Variants in CACNA1A observed in about 807,000 individuals in gnomAD.
CACNA1A encodes calcium voltage-gated channel subunit alpha1 A.
Under a neutral mutation model 262.4 loss-of-function variants are expected in CACNA1A, and 57 were observed. That is an observed-to-expected ratio of 0.22 (90% CI 0.18 to 0.27). The LOEUF (loss-of-function observed/expected upper bound fraction) is 0.27. Among genes scored for constraint, CACNA1A ranks in the 10% least tolerant of loss-of-function variants. The pLI is 1.00. For missense variants in CACNA1A, 2,526 were observed against 3,562.8 expected, an observed-to-expected ratio of 0.71 and a Z score of 7.41; for synonymous variants, 1,431 against 1,419.3, an observed-to-expected ratio of 1.01 and a Z score of -0.18.
At position 13,224,731 on chromosome 19, in the gene CACNA1A, G is replaced by A. The variant is rs750667873; in HGVS notation, c.5667C>T (p.Thr1889=). ...RMDLPVADDN[T]VHFNSTLMAL... ...CCATGAGGGTGGAATTGAAGTGGAC[G>A]GTGTTGTCATCTGCGACGGGCAGGT... is the stretch of plus-strand genomic sequence containing the variant. The change falls in exon 38 of 47, where the codon ACC becomes ACT. Residue 1889 remains threonine (T), a synonymous_variant. Transcript: ENST00000360228. 12 of 1,612,196 alleles carry A rather than the reference G, an allele frequency of 7.4e-6. No individual in the cohort carries two copies. Among genetic ancestry groups the A allele is most frequent in the South Asian group, 5.5e-5 (5 of 90,676 alleles).
At position 13,215,719 on chromosome 19, in the gene CACNA1A, A is replaced by G. The variant is rs564798515; in HGVS notation, c.5732-1111T>C. Among the ~76,000 whole-genome samples, 4 of 149,562 alleles carry G rather than the reference A, an allele frequency of 2.7e-5. No homozygotes were observed. In the South Asian group the frequency reaches 8.5e-4, roughly 32 times the overall value. On this transcript the variant is annotated intron_variant, in intron 38 of 46. Transcript: ENST00000360228. The stretch of plus-strand genomic sequence containing the variant: ...GTTACCTCCGCCTCCCAGGTTCAAG[A>G]GATTCTCCCGCTTCAGCTTCCTGAG...
In CACNA1A at chr19:13,372,038, C is replaced by T. The variant is rs527374014; in HGVS notation, c.540-259G>A. Among the ~76,000 whole-genome samples the T allele has an allele frequency of 1.5e-4, 23 of 152,258 alleles. No homozygotes were observed. In the East Asian group the frequency reaches 4.3e-3, roughly 28 times the overall value. ...GTTGCAATGAGAGAAATGGAATCTT[C>T]CCCATGGCTCAAGGTTGGGGTGACA... On this transcript the variant is annotated intron_variant, in intron 3 of 46. Coordinates refer to ENST00000360228, the MANE Select transcript of CACNA1A (RefSeq NM_001127222.2).
intron 3 of CACNA1A, among the ~76,000 whole-genome samples, chr19:13,410,624 A>C (rs1599391009): frequency 6.9e-6 from 1 of 144,666 alleles, no homozygotes. Context: ...CTCTTCCTCT[A>C]CCCTTCACAG....
At chr19:13,423,022 G>A (rs569279501) in intron 3 of CACNA1A, among the ~76,000 whole-genome samples, 2 of 152,290 alleles carry the variant, frequency 1.3e-5, no homozygotes, top group South Asian at 4.1e-4. Context: ...AGCCCTTTTA[G>A]CAAACCTTCA....
At chr19:13,252,022 T>G (rs1463252349) in intron 30 of CACNA1A, among the ~76,000 whole-genome samples, 1 of 152,060 alleles carries the variant, frequency 6.6e-6, no homozygotes, top group African/African-American at 2.4e-5. Context: ...TGCCTCTGCC[T>G]CCCAAAGTGC....
chr19:13,210,545 C>G, intron 44 of CACNA1A, 72 bp downstream of exon 44: 1 of 1,375,994 alleles, frequency 7.3e-7, no homozygotes, highest in South Asian at 1.3e-5. Flanking sequence ...GATGACGGGA[C>G]TCCCTGGAGG....
At chr19:13,349,152 G>C (rs564968133) in intron 6 of CACNA1A, among the ~76,000 whole-genome samples, 4 of 152,152 alleles carry the variant, frequency 2.6e-5, no homozygotes, top group African/African-American at 9.7e-5. Context: ...ACCTTGGCAG[G>C]TCACGTCACC....
rs969056993 is a variant in CACNA1A, at chr19:13,465,972, A to T, written c.294-10760T>A. Among the ~76,000 whole-genome samples, 3 of 152,264 alleles carry T rather than the reference A, an allele frequency of 2.0e-5. No homozygotes were observed. In the South Asian group the frequency reaches 6.2e-4, roughly 32 times the overall value. Reference sequence around the variant, plus strand: ...AGGTAAATCCATAGAGACAGAATGCAGATGGGTGGTTGCCAGAGGCTGGAG... The same window carrying T: ...AGGTAAATCCATAGAGACAGAATGCTGATGGGTGGTTGCCAGAGGCTGGAG... On this transcript the variant is annotated intron_variant, in intron 1 of 46. Coordinates refer to ENST00000360228, the MANE Select transcript of CACNA1A (RefSeq NM_001127222.2).
intron 1 of CACNA1A, among the ~76,000 whole-genome samples, chr19:13,489,839 T>C (rs978478285): frequency 1.3e-5 from 2 of 152,144 alleles, no homozygotes; most frequent in African/African-American, 4.8e-5. Context: ...ACATCTCCCC[T>C]TGGGTTTCCT....
intron 28 of CACNA1A, among the ~76,000 whole-genome samples, chr19:13,255,736 C>T (rs1271687923): frequency 9.1e-6 from 1 of 110,080 alleles, no homozygotes; most frequent in Non-Finnish European, 1.8e-5. Context: ...TCCCTCCCTC[C>T]TTCCCTCCCT....
intron 24 of CACNA1A, among the ~76,000 whole-genome samples, chr19:13,265,440 C>T (rs569091003): frequency 2.6e-5 from 4 of 152,260 alleles, no homozygotes; most frequent in South Asian, 2.1e-4. Context: ...GGAACAAAGA[C>T]GATAATTGTA....
At chr19:13,339,535 A>T (rs1473392139) in intron 6 of CACNA1A, among the ~76,000 whole-genome samples, 1 of 152,170 alleles carries the variant, frequency 6.6e-6, no homozygotes, top group Non-Finnish European at 1.5e-5. Flanking sequence ...ACAACAATAT[A>T]TTAATGGTTT....
Position 13,245,508 on chromosome 19 carries a change from T to C in CACNA1A, c.4867-243A>G, listed in dbSNP as rs1203513862. ...CCCAGAGGGGGCCTCCAGACCCTGC[T>C]TCAGCTCCACAGGGCTGGGGCTGCT... On this transcript the variant is annotated intron_variant, in intron 30 of 46. Coordinates refer to ENST00000360228, the MANE Select transcript of CACNA1A (RefSeq NM_001127222.2). 7.8e-5 allele frequency: 42 copies of C among 541,300 alleles called. 1 individual carries two copies. The highest frequency in any genetic ancestry group is 7.4e-4 in the South Asian group (35 of 47,180). The allele number at this position is 541,300 out of a possible 1,614,324, so 33.5% of individuals were successfully genotyped here. A position where few individuals can be genotyped will look rare whatever the true frequency, so the allele number is the denominator to read the frequency against.
At chr19:13,410,514 C>G (rs556402698) in intron 3 of CACNA1A, among the ~76,000 whole-genome samples, 382 of 143,854 alleles carry the variant, frequency 2.7e-3, no homozygotes, top group Non-Finnish European at 4.4e-3. Flanking sequence ...TTGTGCCTGG[C>G]CTTTTTTTTT....
intron 4 of CACNA1A, chr19:13,370,894 T>C (rs1405510473): frequency 6.6e-6 from 1 of 152,168 alleles, no homozygotes; most frequent in African/African-American, 2.4e-5. Flanking sequence ...TAAATTATTA[T>C]TATTAACCAA....
chr19:13,227,425 G>C lies in CACNA1A; in HGVS notation c.5625+6C>G, dbSNP rs1320988210. 1 of 1,567,330 alleles carries C rather than the reference G, an allele frequency of 6.4e-7. No homozygotes were observed. The highest frequency in any genetic ancestry group is 1.7e-5 in the Admixed American group (1 of 58,246). ...TGGACGTCGGTGGTCGGCAAGGGTA[G>C]TCTACCTTGTAAGCCACTCTGGCCG... On this transcript the variant is annotated splice_donor_region_variant and intron_variant, in intron 37 of 46. Transcript: ENST00000360228.
At chr19:13,432,103 CAAAAAAAAAAAAA>C (rs71170513) in intron 3 of CACNA1A, among the ~76,000 whole-genome samples, 2 of 64,398 alleles carry the variant, frequency 3.1e-5, no homozygotes, top group African/African-American at 1.2e-4. Flanking sequence ...GACTCCGTCT[CAAAAAAAAAAAAA>C]AAAAAAAAAA....
intron 3 of CACNA1A, among the ~76,000 whole-genome samples, chr19:13,396,602 A>G (rs2059815924): frequency 6.6e-6 from 1 of 152,252 alleles, no homozygotes; most frequent in African/African-American, 2.4e-5. Context: ...TAATGAATGT[A>G]CATTTATATT....
chr19:13,396,848 G>A (rs759098660), intron 3 of CACNA1A, among the ~76,000 whole-genome samples: 3 of 152,140 alleles, frequency 2.0e-5, no homozygotes, highest in Non-Finnish European at 2.9e-5. Flanking sequence ...TTTGGCTGAG[G>A]GGAAGCGCTG....
Sources: allele counts gnomAD v4.1 joint callset (sites outside exome capture counted in the v4.1 genomes callset), GRCh38; gene constraint gnomAD v4.1.1; transcripts MANE v1.5; gene names NCBI Gene and HGNC (gene_info 2026-07-23, HGNC 2026-07-21).